C12orf56: variants seen among roughly 807,000 people sequenced by gnomAD.
C12orf56 encodes the protein chromosome 12 open reading frame 56, also known as uncharacterized protein C12orf56.
A neutral mutation model predicts 69.9 loss-of-function variants in C12orf56; 71 were observed. The observed-to-expected ratio is 1.02, with a 90% confidence interval of 0.84 to 1.24. The LOEUF (loss-of-function observed/expected upper bound fraction) is 1.24, where lower values mean the gene tolerates loss of function less well. C12orf56 is among the 50% of genes most tolerant of loss of function. C12orf56 has a pLI of 0.00. For synonymous variants in C12orf56, 276 were observed against 274.1 expected (o/e 1.01, Z -0.07); for missense variants, 732 against 738.5 (o/e 0.99, Z 0.10).
intron 4 of C12orf56, among the ~76,000 whole-genome samples, chr12:64,313,301 A>AGAAAGAAAGAAAGAAAGAAAGAAAGAAG (rs2038647381): frequency 6.6e-6 from 1 of 150,392 alleles, no homozygotes; most frequent in Non-Finnish European, 1.5e-5. Flanking sequence ...AAAGAAAGAA[A>AGAAAGAAAGAAAGAAAGAAAGAAAGAAG]TTATTTATCA....
In C12orf56 at chr12:64,286,028, T is replaced by G; in HGVS notation, c.1146A>C (p.Lys382Asn). The G allele has an allele frequency of 6.2e-7, 1 of 1,609,176 alleles. No individual in the cohort carries two copies. Among genetic ancestry groups the G allele is most frequent in the Non-Finnish European group, 8.5e-7 (1 of 1,176,946 alleles). The stretch of plus-strand genomic sequence containing the variant: ...TAGACTCCGGCAAGTACTCATGAAG[T>G]TTGTTTACTATGAAATAGAAAAGGT... ...TSDLFYFIVN[K>N]LHEYLPESRD... Residue 382 changes from lysine (K) to asparagine (N), a missense_variant, in exon 7 of 13, where the codon AAA (lysine) becomes AAC (asparagine). Lys to Asn is a moderately conservative substitution (Grantham distance 94). Coordinates refer to ENST00000543942, the MANE Select transcript of C12orf56 (RefSeq NM_001170633.2).
At chr12:64,275,424 G>A (rs1354574587) in intron 9 of C12orf56, 52 bp from the exon 10 acceptor site, 7 of 853,178 alleles carry the variant, frequency 8.2e-6, no homozygotes, top group Middle Eastern at 2.3e-4. Context: ...GTCAGAAAAC[G>A]ATAATTTCCC....
intron 1 of C12orf56, chr12:64,355,697 A>C (rs1022781949): frequency 3.3e-5 from 5 of 152,226 alleles, no homozygotes; most frequent in Non-Finnish European, 5.9e-5. Context: ...AGAATACTGA[A>C]ACATTGGCTA....
At chr12:64,303,431 C>T (rs1475452779) in intron 6 of C12orf56, among the ~76,000 whole-genome samples, 2 of 150,892 alleles carry the variant, frequency 1.3e-5, no homozygotes, top group African/African-American at 4.9e-5. Flanking sequence ...CCTCTCTTCC[C>T]ATCTCCCCTC....
intron 3 of C12orf56, among the ~76,000 whole-genome samples, chr12:64,329,215 A>C (rs2038893393): frequency 6.6e-6 from 1 of 152,122 alleles, no homozygotes. Context: ...CCAGTACTTG[A>C]GCGTGATCCC....
rs989574078 is a variant in C12orf56, at chr12:64,270,597, A to T, written c.1702T>A (p.Cys568Ser). ...GCTAGAGTCCTGCTGTGCCGCAGACAGCTCTTGAGGATGTAAAATTGCTGG... is the reference window on the plus strand; with the variant it reads ...GCTAGAGTCCTGCTGTGCCGCAGACTGCTCTTGAGGATGTAAAATTGCTGG... ...LYQQFYILKS[C>S]LRHSRTLAEY... The change falls in exon 12 of 13, where the codon TGT (cysteine) becomes AGT (serine). Residue 568 changes from cysteine to serine, a missense_variant. Transcript: ENST00000543942. 20 of 1,613,440 alleles carry T rather than the reference A, an allele frequency of 1.2e-5. No homozygotes were observed. Among genetic ancestry groups the T allele is most frequent in the Admixed American group, 1.7e-5 (1 of 59,922 alleles).
At chr12:64,352,099 G>GTTTTTTT (rs55762803) in intron 2 of C12orf56, among the ~76,000 whole-genome samples, 1 of 148,678 alleles carries the variant, frequency 6.7e-6, no homozygotes, top group African/African-American at 2.6e-5. Context: ...TTTTGTTTTT[G>GTTTTTTT]TTTTTTTTTT....
intron 1 of C12orf56, among the ~76,000 whole-genome samples, chr12:64,379,927 C>CAAAAAAAAAAAAA (rs200293677): frequency 8.8e-6 from 1 of 114,126 alleles, no homozygotes; most frequent in African/African-American, 4.7e-5. Context: ...ACTAAAAATA[C>CAAAAAAAAAAAAA]AAAAAAAAAA....
rs1314703060 is a variant in C12orf56 at position 64,350,995 on chromosome 12, T to C, written c.415+1899A>G. On this transcript the variant is annotated intron_variant, in intron 2 of 12. Transcript: ENST00000543942. The stretch of plus-strand genomic sequence containing the variant: ...GATAAGCTGTTTTTAAGTTTTTGCC[T>C]ACATTTTAGACTAACCCTGTTTATT... 2.0e-5 allele frequency among the ~76,000 whole-genome samples: 3 copies of C among 152,360 alleles called. No homozygotes were observed. The South Asian group carries it at 6.2e-4, about 32-fold the overall frequency.
intron 4 of C12orf56, 120 bp from the exon 5 acceptor site, chr12:64,312,872 A>C (rs2038638567): frequency 1.5e-6 from 1 of 667,866 alleles, no homozygotes. Context: ...CGATTTGTTT[A>C]TAAAACTCAT....
chr12:64,389,075 A>G (rs946503723), intron 1 of C12orf56: 1 of 152,088 alleles, frequency 6.6e-6, no homozygotes, highest in African/African-American at 2.4e-5. Flanking sequence ...AAACAGCTCC[A>G]TCAAGCGTCT....
At chr12:64,285,567 C>A (rs1443212551) in intron 7 of C12orf56, among the ~76,000 whole-genome samples, 1 of 152,066 alleles carries the variant, frequency 6.6e-6, no homozygotes, top group Non-Finnish European at 1.5e-5. Flanking sequence ...ATGGATGGAT[C>A]ACCTGAGGTC....
Position 64,308,526 on chromosome 12 carries a change from A to C in C12orf56, c.968+4153T>G, listed in dbSNP as rs933469149. On this transcript the variant is annotated intron_variant, in intron 5 of 12. Coordinates refer to ENST00000543942, the MANE Select transcript of C12orf56 (RefSeq NM_001170633.2). Reference sequence around the variant, plus strand: ...TTATGGAAATTTTCAAACATACATCAAAATGGAGAAAATTTTATAAGAAAT... The same window carrying C: ...TTATGGAAATTTTCAAACATACATCCAAATGGAGAAAATTTTATAAGAAAT... Among the ~76,000 whole-genome samples the C allele has an allele frequency of 5.3e-5, 8 of 152,090 alleles. No individual in the cohort carries two copies. In the East Asian group the frequency reaches 1.6e-3, roughly 30 times the overall value.
At position 64,388,027 on chromosome 12, in the gene C12orf56, C is replaced by T. The variant is rs113039628; in HGVS notation, c.252+2287G>A. Reference sequence around the variant, plus strand: ...TCCTGTTGCCCAGTCTGGAGTGCAACGGCGCCATCTCAGCTCACTGCAACC... The same window carrying T: ...TCCTGTTGCCCAGTCTGGAGTGCAATGGCGCCATCTCAGCTCACTGCAACC... On this transcript the variant is annotated intron_variant, in intron 1 of 12. Coordinates refer to ENST00000543942, the MANE Select transcript of C12orf56 (RefSeq NM_001170633.2). 8.3e-3 allele frequency among the ~76,000 whole-genome samples: 1,268 copies of T among 152,110 alleles called. 20 individuals carry two copies. The highest frequency in any genetic ancestry group is 0.029 in the African/African-American group (1,204 of 41,524).
intron 5 of C12orf56, among the ~76,000 whole-genome samples, chr12:64,308,897 A>G (rs182773163): frequency 1.5e-3 from 91 of 61,430 alleles, no homozygotes; most frequent in East Asian, 0.01. Context: ...AGGAAGAAAG[A>G]AAGAAAGAAA....
intron 5 of C12orf56, among the ~76,000 whole-genome samples, chr12:64,305,066 C>T (rs956726329): frequency 6.6e-6 from 1 of 152,208 alleles, no homozygotes; most frequent in Middle Eastern, 3.4e-3. Flanking sequence ...ATTTAAAAAA[C>T]ATCTAAGATG....
intron 1 of C12orf56, among the ~76,000 whole-genome samples, chr12:64,354,533 C>T (rs1436030104): frequency 6.6e-6 from 1 of 152,090 alleles, no homozygotes; most frequent in South Asian, 2.1e-4. Flanking sequence ...TCTCAGCTCA[C>T]TGCAACCTTC....
intron 8 of C12orf56, among the ~76,000 whole-genome samples, chr12:64,281,534 T>C (rs1353907408): frequency 6.6e-6 from 1 of 152,126 alleles, no homozygotes; most frequent in South Asian, 2.1e-4. Context: ...ATCATGCCAT[T>C]GCACTCCAGC....
chr12:64,340,013 C>CATAT (rs35863094), intron 2 of C12orf56, among the ~76,000 whole-genome samples: 27 of 151,048 alleles, frequency 1.8e-4, no homozygotes, highest in African/African-American at 3.2e-4. Flanking sequence ...AGAGAACTCC[C>CATAT]ATATATATAT....
Sources: gnomAD v4.1 joint callset for allele counts (sites outside exome capture counted in the v4.1 genomes callset) on GRCh38, gnomAD v4.1.1 for gene constraint, MANE v1.5 for transcripts, NCBI Gene and HGNC (gene_info 2026-07-23, HGNC 2026-07-21) for gene names.